The following CTNNA2 variants were observed in gnomAD, a reference collection of about 807,000 sequenced individuals.
CTNNA2 encodes catenin alpha-2.
Under a neutral mutation model 101.0 loss-of-function variants are expected in CTNNA2, and 42 were observed. The observed-to-expected ratio is 0.42, with a 90% CI of 0.32 to 0.54. The LOEUF (loss-of-function observed/expected upper bound fraction) is 0.54. CTNNA2 is among the 20% of genes least tolerant of loss of function. The pLI, the probability that CTNNA2 is intolerant of heterozygous loss-of-function variation, is 0.14. For synonymous variants in CTNNA2, 450 were observed against 456.4 expected, an observed-to-expected ratio of 0.99 and a Z score of 0.18; for missense variants, 871 against 1,223.1, an observed-to-expected ratio of 0.71 and a Z score of 4.29.
At chr2:79,615,742 T>C (rs1021856170) in intron 1 of CTNNA2, among the ~76,000 whole-genome samples, 29 of 152,208 alleles carry the variant, frequency 1.9e-4, no homozygotes, top group African/African-American at 6.5e-4. Context: ...TCTGGCCATG[T>C]GCCTTCCTGT....
intron 4 of CTNNA2, among the ~76,000 whole-genome samples, chr2:79,376,455 TGTTTTTG>T (rs1677976462): frequency 6.8e-6 from 1 of 148,148 alleles, no homozygotes. Flanking sequence ...TGGTTGGTTT[TGTTTTTG>T]TTTTTGTTTT....
At chr2:80,565,431 G>A (rs1312436948) in intron 12 of CTNNA2, among the ~76,000 whole-genome samples, 1 of 152,066 alleles carries the variant, frequency 6.6e-6, no homozygotes, top group East Asian at 1.9e-4. Flanking sequence ...GCATAGAACT[G>A]GGGAAGCTCA....
chr2:80,148,899 C>T (rs978923775), intron 7 of CTNNA2, among the ~76,000 whole-genome samples: 5 of 152,042 alleles, frequency 3.3e-5, no homozygotes, highest in African/African-American at 1.2e-4. Flanking sequence ...GTGCTCCACT[C>T]CTCTGTTCAG....
chr2:80,271,243 A>G (rs1255581708), intron 7 of CTNNA2, among the ~76,000 whole-genome samples: 1 of 152,144 alleles, frequency 6.6e-6, no homozygotes, highest in African/African-American at 2.4e-5. Flanking sequence ...TTTGTAACAT[A>G]TGTAGTGGTG....
At chr2:80,063,868 TACCC>T (rs755666457) in intron 7 of CTNNA2, among the ~76,000 whole-genome samples, 3 of 152,202 alleles carry the variant, frequency 2.0e-5, no homozygotes, top group Non-Finnish European at 4.4e-5. Context: ...ATTCACACTC[TACCC>T]ACCCCTAGTT....
chr2:79,720,538 C>T (rs1686414424), intron 2 of CTNNA2, among the ~76,000 whole-genome samples: 1 of 152,022 alleles, frequency 6.6e-6, no homozygotes, highest in African/African-American at 2.4e-5. Context: ...GAACGCTTTT[C>T]ATTTATTCGT....
At chr2:79,562,522 C>G (rs1674843605) in intron 1 of CTNNA2, among the ~76,000 whole-genome samples, 1 of 151,850 alleles carries the variant, frequency 6.6e-6, no homozygotes, top group Admixed American at 6.6e-5. Flanking sequence ...AGGAAAAGTG[C>G]CTAGCTGCCT....
chr2:79,644,023 A>C (rs1055641253), intron 1 of CTNNA2, among the ~76,000 whole-genome samples: 1 of 151,896 alleles, frequency 6.6e-6, no homozygotes, highest in Non-Finnish European at 1.5e-5. Flanking sequence ...GCCAGGAGAA[A>C]GATCTGATTT....
intron 9 of CTNNA2, among the ~76,000 whole-genome samples, chr2:80,509,041 G>T (rs546434111): frequency 2.6e-5 from 4 of 152,300 alleles, no homozygotes; most frequent in African/African-American, 9.6e-5. Context: ...AAGCAGCAAT[G>T]TGTGGTAAAC....
chr2:80,293,132 A>T (rs965405413), intron 7 of CTNNA2, among the ~76,000 whole-genome samples: 1 of 152,230 alleles, frequency 6.6e-6, no homozygotes, highest in African/African-American at 2.4e-5. Context: ...CAGTGAGGCA[A>T]AATAACAGAG....
At chr2:80,494,067 C>A (rs1454857211) in intron 9 of CTNNA2, among the ~76,000 whole-genome samples, 1 of 152,102 alleles carries the variant, frequency 6.6e-6, no homozygotes, top group African/African-American at 2.4e-5. Context: ...AGTCTTAGAC[C>A]TATTCTATTT....
intron 12 of CTNNA2, among the ~76,000 whole-genome samples, chr2:80,560,927 T>C (rs564602146): frequency 6.6e-6 from 1 of 152,258 alleles, no homozygotes; most frequent in South Asian, 2.1e-4. Context: ...ATACCAAAAA[T>C]GAGAACTTTA....
chr2:80,158,648 G>A (rs1000005779), intron 7 of CTNNA2, among the ~76,000 whole-genome samples: 36 of 152,144 alleles, frequency 2.4e-4, no homozygotes, highest in East Asian at 5.8e-4. Context: ...GGTGGCTTAC[G>A]CCTGTAATCC....
chr2:79,729,697 C>T (rs938733247), intron 2 of CTNNA2, among the ~76,000 whole-genome samples: 5 of 151,956 alleles, frequency 3.3e-5, no homozygotes, highest in African/African-American at 4.8e-5. Flanking sequence ...CAAACATTCC[C>T]GAGAAGCTTG....
At chr2:80,020,353 T>G (rs992038464) in intron 7 of CTNNA2, among the ~76,000 whole-genome samples, 1 of 152,128 alleles carries the variant, frequency 6.6e-6, no homozygotes, top group Non-Finnish European at 1.5e-5. Context: ...TCCCAGGATG[T>G]TATAGGTTAG....
chr2:79,945,342 T>C (rs143174477), intron 7 of CTNNA2, among the ~76,000 whole-genome samples: 1 of 152,224 alleles, frequency 6.6e-6, no homozygotes, highest in African/African-American at 2.4e-5. Flanking sequence ...TGCTTTGCCG[T>C]TATTTGTTTT....
At chr2:79,308,307 A>G (rs1188031604) in intron 2 of CTNNA2, among the ~76,000 whole-genome samples, 1 of 151,966 alleles carries the variant, frequency 6.6e-6, no homozygotes, top group African/African-American at 2.4e-5. Flanking sequence ...CAGCCCCCCA[A>G]ATTTCTGGGA....
rs200318149 is a variant in CTNNA2 at position 79,875,729 on chromosome 2, A to AC, written c.852+1387_852+1388insC. On this transcript the variant is annotated intron_variant, in intron 6 of 18. Coordinates refer to ENST00000402739, the MANE Select transcript of CTNNA2 (RefSeq NM_001282597.3). ...ATCTCACACCATATATTATTTCCTAAGGTTTTTTTTGTGAGGATTAAATAT... is the reference window on the plus strand; with the variant it reads ...ATCTCACACCATATATTATTTCCTAACGGTTTTTTTTGTGAGGATTAAATAT... Among the ~76,000 whole-genome samples, 170 of 151,188 alleles carry AC rather than the reference A, an allele frequency of 1.1e-3. 2 individuals are homozygous for AC. The highest frequency in any genetic ancestry group is 4.0e-3 in the African/African-American group (164 of 41,036).
chr2:79,229,084 G>A (rs151193854), intron 2 of CTNNA2, among the ~76,000 whole-genome samples: 131 of 152,154 alleles, frequency 8.6e-4, no homozygotes, highest in African/African-American at 2.9e-3. Flanking sequence ...GTTTATTTCT[G>A]GGCTCTCTAT....
Sources: allele counts gnomAD v4.1 joint callset (sites outside exome capture counted in the v4.1 genomes callset), GRCh38; gene constraint gnomAD v4.1.1; transcripts MANE v1.5; gene names NCBI Gene and HGNC (gene_info 2026-07-23, HGNC 2026-07-21).